The following CA6 variants were observed in gnomAD, a reference collection of about 807,000 sequenced individuals.
The protein encoded by CA6 is carbonate dehydratase VI.
A neutral mutation model predicts 35.9 loss-of-function variants in CA6; 28 were observed. The observed-to-expected ratio is 0.78, with a 90% CI of 0.58 to 1.07. The LOEUF is 1.07. Among genes scored for constraint, CA6 ranks in the 50% least tolerant of loss-of-function variants. The probability of loss-of-function intolerance (pLI) is 0.00; values close to 1 mark genes in which losing one functional copy is unlikely to be tolerated. For missense variants in CA6, 377 were observed against 382.0 expected, an observed-to-expected ratio of 0.99 and a Z score of 0.11; for synonymous variants, 148 against 152.6, an observed-to-expected ratio of 0.97 and a Z score of 0.22.
At chr1:8,950,266 G>A (rs967745859) in intron 2 of CA6, among the ~76,000 whole-genome samples, 1 of 152,006 alleles carries the variant, frequency 6.6e-6, no homozygotes, top group Non-Finnish European at 1.5e-5. Flanking sequence ...TTACAGGCAC[G>A]AGCCACCATG....
intron 5 of CA6, among the ~76,000 whole-genome samples, chr1:8,962,873 C>T (rs958043926): frequency 1.3e-5 from 2 of 152,142 alleles, no homozygotes; most frequent in African/African-American, 2.4e-5. Context: ...TGCATAAATT[C>T]GATGTGTCAT....
At chr1:8,945,990 C>T (rs762127200) in intron 1 of CA6, 25 bp downstream of exon 1, 2 of 1,449,966 alleles carry the variant, frequency 1.4e-6, no homozygotes, top group Admixed American at 3.4e-5. Flanking sequence ...TCTGCATGCT[C>T]CCCCAGTTAC....
intron 4 of CA6, among the ~76,000 whole-genome samples, chr1:8,959,600 C>T (rs1639780464): frequency 6.6e-6 from 1 of 151,842 alleles, no homozygotes; most frequent in African/African-American, 2.4e-5. Context: ...AGGCATGAGC[C>T]ACCAGGCCCA....
At chr1:8,960,789 C>CACACACACACACATATATATAT (rs59987426) in intron 4 of CA6, among the ~76,000 whole-genome samples, 1,373 of 116,564 alleles carry the variant, frequency 0.012, 23 homozygotes, top group Non-Finnish European at 0.018. Context: ...CACACACACA[C>CACACACACACACATATATATAT]ATATATATAA....
At chr1:8,965,393 A>G (rs1270442962) in intron 5 of CA6, among the ~76,000 whole-genome samples, 1 of 152,076 alleles carries the variant, frequency 6.6e-6, no homozygotes, top group African/African-American at 2.4e-5. Context: ...CTCTGTACCC[A>G]TTCAACAGTT....
At chr1:8,967,316 A>G (rs919293784) in intron 5 of CA6, among the ~76,000 whole-genome samples, 1 of 152,100 alleles carries the variant, frequency 6.6e-6, no homozygotes, top group African/African-American at 2.4e-5. Flanking sequence ...GTACTTCCCT[A>G]TGTAGTGGTT....
Position 8,974,852 on chromosome 1 carries a change from T to G in CA6, c.*148T>G. On this transcript the variant is annotated 3_prime_UTR_variant, in exon 8 of 8. Coordinates refer to ENST00000377443, the MANE Select transcript of CA6 (RefSeq NM_001215.4). ...CCCCCTGGGGCAGCTGTTGGGATTC[T>G]GATTAAAAGAGGGGAAACGATCATC... The G allele has an allele frequency of 1.9e-6, 1 of 535,572 alleles. No homozygotes were observed. The highest frequency in any genetic ancestry group is 2.7e-5 in the South Asian group (1 of 37,574). 33.2% of individuals were successfully genotyped at this position (535,572 alleles called of 1,614,324 possible).
At chr1:8,962,546 CTCT>C (rs1167430597) in intron 4 of CA6, 38 bp from the exon 5 acceptor site, 1 of 1,526,714 alleles carries the variant, frequency 6.6e-7, no homozygotes, top group Non-Finnish European at 9.1e-7. Context: ...GTGCTGGGGC[CTCT>C]TCTTCACTTA....
chr1:8,966,184 A>T (rs1639962542), intron 5 of CA6, among the ~76,000 whole-genome samples: 1 of 152,014 alleles, frequency 6.6e-6, no homozygotes, highest in African/African-American at 2.4e-5. Context: ...ATCTCGGCTC[A>T]CTGCAACCTC....
At chr1:8,950,334 T>G (rs1313102483) in intron 2 of CA6, among the ~76,000 whole-genome samples, 3 of 152,016 alleles carry the variant, frequency 2.0e-5, no homozygotes, top group African/African-American at 7.3e-5. Context: ...CTCCTGATTT[T>G]CCAAGTTGGC....
Position 8,945,978 on chromosome 1 carries a change from C to T in CA6, c.79+13C>T. Reference sequence around the variant, plus strand: ...TGGACCTACTCAGGTGAGCCCCTAGCTTCTGCATGCTCCCCCAGTTACCCT... The same window carrying T: ...TGGACCTACTCAGGTGAGCCCCTAGTTTCTGCATGCTCCCCCAGTTACCCT... On this transcript the variant is annotated intron_variant, in intron 1 of 7. Coordinates refer to ENST00000377443, the MANE Select transcript of CA6 (RefSeq NM_001215.4). 12 of 1,569,146 alleles carry T rather than the reference C, an allele frequency of 7.6e-6. No homozygotes were observed. Among genetic ancestry groups the T allele is most frequent in the Non-Finnish European group, 1.1e-5 (12 of 1,139,432 alleles).
At chr1:8,970,075 G>A (rs888439021) in intron 6 of CA6, among the ~76,000 whole-genome samples, 1 of 151,898 alleles carries the variant, frequency 6.6e-6, no homozygotes, top group Non-Finnish European at 1.5e-5. Flanking sequence ...GTGTGGGTGG[G>A]TGCCTGTAGT....
At chr1:8,973,015 T>C (rs541071478) in intron 7 of CA6, among the ~76,000 whole-genome samples, 2 of 152,204 alleles carry the variant, frequency 1.3e-5, no homozygotes, top group East Asian at 3.9e-4. Context: ...CTTAGACTCA[T>C]GGGTCTGTCT....
chr1:8,950,409 C>T lies in CA6; in HGVS notation c.259+967C>T, dbSNP rs545849355. 1.5e-4 allele frequency among the ~76,000 whole-genome samples: 23 copies of T among 152,232 alleles called. 1 individual carries two copies. The highest frequency in any genetic ancestry group is 5.1e-4 in the African/African-American group (21 of 41,496). On this transcript the variant is annotated intron_variant, in intron 2 of 7. Transcript: ENST00000377443. ...ATTTTTTAGGCAGGAAGTCTGAGGC[C>T]TCAGGAGGTCGAGGGACTCACCCAA...
chr1:8,972,976 C>T (rs1432631648), intron 7 of CA6, among the ~76,000 whole-genome samples: 2 of 152,108 alleles, frequency 1.3e-5, no homozygotes, highest in East Asian at 3.9e-4. Flanking sequence ...TTTAACAGGT[C>T]CAATTGCAAG....
At chr1:8,959,371 G>A (rs543712421) in intron 4 of CA6, among the ~76,000 whole-genome samples, 215 of 150,766 alleles carry the variant, frequency 1.4e-3, no homozygotes, top group Non-Finnish European at 1.3e-3. Context: ...TTGGAGTGCA[G>A]TGGCACAATC....
In CA6 at chr1:8,951,744, T is replaced by G. The variant is rs1639542695; in HGVS notation, c.259+2302T>G. 7 of 740,638 alleles carry G rather than the reference T, an allele frequency of 9.5e-6. No individual in the cohort carries two copies. The Admixed American group carries it at 1.2e-4, about 13-fold the overall frequency. 45.9% of individuals were successfully genotyped at this position (740,638 alleles called of 1,614,324 possible). On this transcript the variant is annotated intron_variant, in intron 2 of 7. Transcript: ENST00000377443. ...TCTGTGGTCCGGAAGCCTGTTCCTT[T>G]GGGGTTCTCACCTCACACGACAGCA...
chr1:8,959,931 C>CAAAAAAAAAAAAA lies in CA6; in HGVS notation c.501+936_501+948dup, dbSNP rs373250863. Among the ~76,000 whole-genome samples the CAAAAAAAAAAAAA allele has an allele frequency of 1.1e-3, 86 of 75,126 alleles. 2 individuals carry two copies. The highest frequency in any genetic ancestry group is 2.2e-3 in the East Asian group (6 of 2,670). 49.3% of individuals were successfully genotyped at this position (75,126 alleles called of 152,430 possible). On this transcript the variant is annotated intron_variant, in intron 4 of 7. Coordinates refer to ENST00000377443, the MANE Select transcript of CA6 (RefSeq NM_001215.4). Reference sequence around the variant, plus strand: ...TGGGCAATAAAGCTAGATTCTATCTCAAAAAAAAAAAAAAAAAAAGCTGGG... The same window carrying CAAAAAAAAAAAAA: ...TGGGCAATAAAGCTAGATTCTATCTCAAAAAAAAAAAAAAAAAAAAAAAAAAAAAAAAGCTGGG...
At chr1:8,970,659 C>T (rs1196006133) in intron 6 of CA6, among the ~76,000 whole-genome samples, 2 of 152,074 alleles carry the variant, frequency 1.3e-5, no homozygotes, top group African/African-American at 4.8e-5. Context: ...CAGGTGCACA[C>T]AACCATGATC....
Sources: allele counts gnomAD v4.1 joint callset (sites outside exome capture counted in the v4.1 genomes callset), GRCh38; gene constraint gnomAD v4.1.1; transcripts MANE v1.5; gene names NCBI Gene and HGNC (gene_info 2026-07-23, HGNC 2026-07-21).